CLEC6A: variants seen among roughly 807,000 people sequenced by gnomAD.
The protein encoded by CLEC6A is C-type lectin domain family 6 member A.
In CLEC6A, 22 loss-of-function variants were observed where a neutral mutation model predicts 25.7. That is an observed-to-expected ratio of 0.85 (90% CI 0.61 to 1.22). The LOEUF (loss-of-function observed/expected upper bound fraction) is 1.22. CLEC6A is among the 50% of genes most tolerant of loss of function. The pLI is 0.00. For missense variants in CLEC6A, 240 were observed against 236.8 expected, an observed-to-expected ratio of 1.01 and a Z score of -0.09; for synonymous variants, 92 against 76.7, an observed-to-expected ratio of 1.20 and a Z score of -1.04.
chr12:8,473,845 T>G (rs747010798), intron 4 of CLEC6A, among the ~76,000 whole-genome samples: 8 of 152,076 alleles, frequency 5.3e-5, no homozygotes, highest in Non-Finnish European at 1.0e-4. Context: ...GCATTTTTTC[T>G]TATGTTTGTT....
At chr12:8,467,158 T>G (rs1185526934) in intron 4 of CLEC6A, among the ~76,000 whole-genome samples, 2 of 152,210 alleles carry the variant, frequency 1.3e-5, no homozygotes, top group African/African-American at 4.8e-5. Flanking sequence ...TTTTCCTTAG[T>G]TGATTGTTTC....
intron 4 of CLEC6A, among the ~76,000 whole-genome samples, chr12:8,471,829 A>G (rs1394827665): frequency 2.0e-5 from 3 of 151,914 alleles, no homozygotes; most frequent in East Asian, 3.9e-4. Flanking sequence ...TATTTTTTTC[A>G]GTATTTTGAA....
Position 8,477,401 on chromosome 12 carries a change from G to A in CLEC6A, c.567G>A (p.Trp189Ter), listed in dbSNP as rs1291873277. ...IVFWKPTGWG[W>*]NDVICETRRN... ...TCTGGAAACCTACAGGATGGGGCTG[G>A]AATGATGTTATCTGTGAAACTAGAA... Residue 189 changes from tryptophan to a stop codon, truncating the protein, a stop_gained, in exon 6 of 6, where the codon TGG becomes TGA. Transcript: ENST00000382073. LOFTEE classifies it high-confidence loss of function. 1 of 1,612,062 alleles carries A rather than the reference G, an allele frequency of 6.2e-7. No homozygotes were observed. The highest frequency in any genetic ancestry group is 8.5e-7 in the Non-Finnish European group (1 of 1,178,640).
At chr12:8,462,427 G>A (rs1371818218) in intron 3 of CLEC6A, among the ~76,000 whole-genome samples, 2 of 122,434 alleles carry the variant, frequency 1.6e-5, no homozygotes, top group African/African-American at 5.7e-5. Context: ...GAAGGCATCT[G>A]TCTCCTGCCC....
At chr12:8,472,952 CT>C (rs1448963538) in intron 4 of CLEC6A, among the ~76,000 whole-genome samples, 1 of 151,220 alleles carries the variant, frequency 6.6e-6, no homozygotes, top group East Asian at 1.9e-4. Context: ...TCTATTTTTG[CT>C]AAGTTTATAT....
chr12:8,464,333 C>CTT (rs763341698), intron 3 of CLEC6A, among the ~76,000 whole-genome samples: 2,584 of 57,088 alleles, frequency 0.045, 89 homozygotes, highest in African/African-American at 0.1. Flanking sequence ...CTTTCTTTTT[C>CTT]TTTTTTTTTT....
chr12:8,473,906 A>G (rs1241580669), intron 4 of CLEC6A, among the ~76,000 whole-genome samples: 6 of 151,908 alleles, frequency 3.9e-5, no homozygotes, highest in Admixed American at 6.6e-5. Flanking sequence ...TCTTTTGCCC[A>G]TTTTTTAATG....
At chr12:8,458,084 G>A (rs756500021) in intron 2 of CLEC6A, 97 bp downstream of exon 2, 134 of 757,072 alleles carry the variant, frequency 1.8e-4, no homozygotes, top group South Asian at 6.7e-4. Context: ...CCATTAATAC[G>A]TCAGCTCTTA....
At chr12:8,461,851 T>C (rs1939759812) in intron 3 of CLEC6A, among the ~76,000 whole-genome samples, 1 of 152,210 alleles carries the variant, frequency 6.6e-6, no homozygotes, top group Non-Finnish European at 1.5e-5. Context: ...GCACTCGACC[T>C]AGGCCAGTTT....
intron 3 of CLEC6A, chr12:8,461,056 G>C: frequency 6.3e-7 from 1 of 1,594,672 alleles, no homozygotes; most frequent in Non-Finnish European, 8.5e-7. Context: ...AAGAAATCCT[G>C]ACACCCAGTG....
At position 8,465,555 on chromosome 12, in the gene CLEC6A, G is replaced by T. The variant is rs749657245; in HGVS notation, c.295G>T (p.Val99Phe). 8 of 1,613,896 alleles carry T rather than the reference G, an allele frequency of 5.0e-6. No individual in the cohort carries two copies. The East Asian group carries it at 8.9e-5, about 18-fold the overall frequency. The change falls in exon 4 of 6, where the codon GTT (valine) becomes TTT (phenylalanine). Residue 99 changes from valine (V) to phenylalanine (F), a missense_variant. Transcript: ENST00000382073. ...SCYFISSEEK[V>F]WSKSEQNCVE... is the part of the protein sequence containing the mutation. The stretch of plus-strand genomic sequence containing the variant: ...CTACTTCATTTCCAGTGAAGAGAAG[G>T]TTTGGTCTAAGAGTGAGCAGAACTG...
chr12:8,474,437 A>G (rs1939944330), intron 4 of CLEC6A, among the ~76,000 whole-genome samples: 1 of 152,136 alleles, frequency 6.6e-6, no homozygotes, highest in Admixed American at 6.6e-5. Context: ...ATGTGTCTAT[A>G]TTTGTAGCAG....
At chr12:8,473,919 G>A (rs1939938900) in intron 4 of CLEC6A, among the ~76,000 whole-genome samples, 1 of 151,998 alleles carries the variant, frequency 6.6e-6, no homozygotes, top group Non-Finnish European at 1.5e-5. Context: ...TTTTAATGGG[G>A]TTGTTTGTTT....
intron 4 of CLEC6A, among the ~76,000 whole-genome samples, chr12:8,475,344 A>ATG (rs59891632): frequency 2.3e-3 from 338 of 148,978 alleles, no homozygotes; most frequent in African/African-American, 7.2e-3. Flanking sequence ...ATATATATGT[A>ATG]TGTGTGTGTG....
In CLEC6A at chr12:8,471,428, T is replaced by C. The variant is rs999750075; in HGVS notation, c.370-4697T>C. On this transcript the variant is annotated intron_variant, in intron 4 of 5. Transcript: ENST00000382073. ...CCTTCTGATTCTGGGCTTTTTTTTG[T>C]TGGGAGGTTTTGATTACAGATTAAT... is the stretch of plus-strand genomic sequence containing the variant. Among the ~76,000 whole-genome samples the C allele has an allele frequency of 1.3e-4, 20 of 152,050 alleles. 1 individual carries two copies.
chr12:8,476,068 A>C, intron 4 of CLEC6A, 57 bp from the exon 5 acceptor site: 1 of 1,129,640 alleles, frequency 8.9e-7, no homozygotes, highest in South Asian at 1.3e-5. Flanking sequence ...AGCAACCTTT[A>C]CTCTGTTCAA....
At chr12:8,472,698 G>T (rs562853426) in intron 4 of CLEC6A, among the ~76,000 whole-genome samples, 3 of 152,028 alleles carry the variant, frequency 2.0e-5, no homozygotes, top group Non-Finnish European at 4.4e-5. Context: ...AGGGCATGGG[G>T]CTTTATATTC....
intron 4 of CLEC6A, among the ~76,000 whole-genome samples, chr12:8,472,194 G>C (rs2136365072): frequency 6.6e-6 from 1 of 152,232 alleles, no homozygotes; most frequent in South Asian, 2.1e-4. Flanking sequence ...CTCTGGATCT[G>C]TGTGTGTACT....
chr12:8,476,042 A>G (rs1409638697), intron 4 of CLEC6A, 83 bp from the exon 5 acceptor site: 6 of 780,532 alleles, frequency 7.7e-6, no homozygotes, highest in Non-Finnish European at 1.2e-5. Context: ...TCTAAAGAAT[A>G]GCTCTGAAGG....
Sources: allele counts gnomAD v4.1 joint callset (sites outside exome capture counted in the v4.1 genomes callset), GRCh38; gene constraint gnomAD v4.1.1; transcripts MANE v1.5; gene names NCBI Gene and HGNC (gene_info 2026-07-23, HGNC 2026-07-21).